The following ATP2C1 variants were observed in gnomAD, a reference collection of about 807,000 sequenced individuals.
The protein encoded by ATP2C1 is ATPase secretory pathway Ca2+ transporting 1.
A neutral mutation model predicts 120.5 loss-of-function variants in ATP2C1; 31 were observed. The observed-to-expected ratio is 0.26, with a 90% CI of 0.19 to 0.35. The LOEUF (loss-of-function observed/expected upper bound fraction) is 0.35. ATP2C1 is among the 10% of genes least tolerant of loss of function. The pLI is 1.00. For synonymous variants in ATP2C1, 351 were observed against 358.7 expected, an observed-to-expected ratio of 0.98 and a Z score of 0.24; for missense variants, 731 against 1,107.5, an observed-to-expected ratio of 0.66 and a Z score of 4.83.
At chr3:130,864,030 G>C (rs969070150) in intron 1 of ATP2C1, among the ~76,000 whole-genome samples, 1 of 152,216 alleles carries the variant, frequency 6.6e-6, no homozygotes, top group Non-Finnish European at 1.5e-5. Flanking sequence ...ACAGGCAGAG[G>C]TTGGAACAGT....
rs775014772 is a variant in ATP2C1 at position 131,014,337 on chromosome 3, G to A, written c.2630-1815G>A. On this transcript the variant is annotated intron_variant, in intron 26 of 26. Coordinates refer to the ATP2C1 transcript ENST00000328560. The stretch of plus-strand genomic sequence containing the variant: ...GCTCAGGAGACTTTCTACAGAGGTC[G>A]ATGCTAGCAGTTGCTGGCATAGTCC... 2.2e-5 allele frequency: 35 copies of A among 1,612,254 alleles called. No individual in the cohort carries two copies. The South Asian group carries it at 3.5e-4, about 16-fold the overall frequency.
chr3:130,999,437 T>A, intron 26 of ATP2C1, 81 bp from the exon 27 acceptor site: 1 of 1,434,136 alleles, frequency 7.0e-7, no homozygotes, highest in South Asian at 1.2e-5. Context: ...ACACTGCTTG[T>A]TAAAAATTAG....
chr3:130,860,256 C>A (rs1036466467), intron 1 of ATP2C1, among the ~76,000 whole-genome samples: 1 of 152,164 alleles, frequency 6.6e-6, no homozygotes, highest in African/African-American at 2.4e-5. Flanking sequence ...TGAAAGATGA[C>A]ATATTTTTGC....
intron 1 of ATP2C1, among the ~76,000 whole-genome samples, chr3:130,864,613 G>C (rs1007296297): frequency 4.6e-5 from 7 of 152,190 alleles, no homozygotes; most frequent in Non-Finnish European, 1.0e-4. Flanking sequence ...TGGGCCCAGG[G>C]TCCCTGTGCT....
chr3:130,975,558 T>G, intron 18 of ATP2C1, 70 bp downstream of exon 18: 1 of 1,513,804 alleles, frequency 6.6e-7, no homozygotes, highest in Non-Finnish European at 9.1e-7. Context: ...GATGAATTCA[T>G]GCTTCACATT....
intron 1 of ATP2C1, among the ~76,000 whole-genome samples, chr3:130,884,267 C>T (rs1162677520): frequency 1.3e-5 from 2 of 152,356 alleles, no homozygotes; most frequent in East Asian, 3.9e-4. Flanking sequence ...CATTGACCCA[C>T]TGGTCATTCA....
intron 2 of ATP2C1, among the ~76,000 whole-genome samples, chr3:130,909,664 A>G (rs925942221): frequency 1.3e-5 from 2 of 152,214 alleles, no homozygotes; most frequent in African/African-American, 2.4e-5. Context: ...CTAAAAAGCT[A>G]TCTTTCTCAT....
At chr3:130,983,988 C>G (rs1378099693) in intron 20 of ATP2C1, among the ~76,000 whole-genome samples, 2 of 152,132 alleles carry the variant, frequency 1.3e-5, no homozygotes, top group Non-Finnish European at 2.9e-5. Flanking sequence ...CAGGTTTTTG[C>G]GTAGACATAA....
At chr3:130,889,076 C>T (rs1008366785) in intron 1 of ATP2C1, among the ~76,000 whole-genome samples, 1 of 152,214 alleles carries the variant, frequency 6.6e-6, no homozygotes, top group Non-Finnish European at 1.5e-5. Context: ...TATCCAGCGG[C>T]TCAGCACTCA....
Position 130,964,079 on chromosome 3 carries a change from T to C in ATP2C1, c.1008T>C (p.Pro336=), listed in dbSNP as rs1410408379. The change falls in exon 13 of 28, where the codon CCT becomes CCC. Residue 336 remains proline, a synonymous_variant. Coordinates refer to ENST00000510168, the MANE Select transcript of ATP2C1 (RefSeq NM_001378687.1). The part of the protein sequence containing the change: ...VKKRAIVKKL[P]IVETLGCCNV... ...AAAGGGCCATTGTGAAAAAGCTGCC[T>C]ATTGTTGAAACTCTGGGTAAGTCTG... The C allele has an allele frequency of 3.7e-6, 6 of 1,612,432 alleles. No homozygotes were observed. The East Asian group carries it at 1.1e-4, about 30-fold the overall frequency.
intron 19 of ATP2C1, among the ~76,000 whole-genome samples, chr3:130,979,674 T>A (rs1018587881): frequency 8.4e-6 from 1 of 119,656 alleles, no homozygotes; most frequent in African/African-American, 4.4e-5. Flanking sequence ...TTATTTTTAA[T>A]CTCATGATCA....
At chr3:131,000,854 A>G (rs1029120603) in intron 27 of ATP2C1, among the ~76,000 whole-genome samples, 5 of 152,140 alleles carry the variant, frequency 3.3e-5, no homozygotes, top group South Asian at 2.1e-4. Context: ...AGTAATCCCA[A>G]TACTTCGGGA....
At chr3:130,973,785 C>T (rs1213052781) in intron 17 of ATP2C1, among the ~76,000 whole-genome samples, 4 of 152,130 alleles carry the variant, frequency 2.6e-5, no homozygotes, top group Non-Finnish European at 5.9e-5. Flanking sequence ...AAAACATTGA[C>T]ACTGGAGGCT....
At chr3:130,936,672 C>CCGGCA (rs2059683941) in intron 5 of ATP2C1, among the ~76,000 whole-genome samples, 1 of 151,764 alleles carries the variant, frequency 6.6e-6, no homozygotes, top group African/African-American at 2.4e-5. Flanking sequence ...AAAAAATTAG[C>CCGGCA]TGGGCGTGGT....
intron 14 of ATP2C1, among the ~76,000 whole-genome samples, chr3:130,965,450 CT>C (rs1394580738): frequency 2.6e-5 from 4 of 152,014 alleles, no homozygotes; most frequent in African/African-American, 9.7e-5. Context: ...TTTGAGGGAT[CT>C]TTTTAGAACC....
intron 1 of ATP2C1, among the ~76,000 whole-genome samples, chr3:130,878,200 A>G (rs1217072821): frequency 6.6e-6 from 1 of 151,628 alleles, no homozygotes; most frequent in Non-Finnish European, 1.5e-5. Context: ...TGACGAGTTA[A>G]TGGGTGCAGC....
At chr3:130,894,041 C>A (rs374167562), upstream of ATP2C1, 49 of 986,530 alleles carry the variant, frequency 5.0e-5, no homozygotes, top group African/African-American at 8.0e-4. This position sits in a 1 kb window ranked among gnomAD's most constrained non-coding sequence, Gnocchi z 4.5. Context: ...ACTGGGCGGC[C>A]GGCGGCGGGG....
rs2062889221 is a variant in ATP2C1 at position 131,001,637 on chromosome 3, C to T, written c.*287C>T. The T allele has an allele frequency of 3.7e-6, 4 of 1,095,872 alleles. No homozygotes were observed. In the South Asian group the frequency reaches 1.1e-4, roughly 30 times the overall value. The allele number at this position is 1,095,872 out of a possible 1,614,324, so 67.9% of individuals were successfully genotyped here. Reference sequence around the variant, plus strand: ...AAAAAGGCAAAACCTGAACCACCTTCTGCACTTAAAGAAGTCTAACAGTAC... The same window carrying T: ...AAAAAGGCAAAACCTGAACCACCTTTTGCACTTAAAGAAGTCTAACAGTAC... On this transcript the variant is annotated 3_prime_UTR_variant, in exon 28 of 28. Transcript: ENST00000510168.
chr3:130,930,559 G>C, intron 3 of ATP2C1, 33 bp downstream of exon 3: 1 of 1,335,782 alleles, frequency 7.5e-7, no homozygotes. Context: ...GGGACTAGAT[G>C]GTGTAAAGTC....
Sources: allele counts gnomAD v4.1 joint callset (sites outside exome capture counted in the v4.1 genomes callset), GRCh38; gene constraint gnomAD v4.1.1; non-coding constraint Gnocchi (gnomAD v3.1); transcripts MANE v1.5; gene names NCBI Gene and HGNC (gene_info 2026-07-23, HGNC 2026-07-21).